Variants in WDFY4 observed in about 807,000 individuals in gnomAD.
WDFY4 encodes the protein WDFY family member 4, also known as WD repeat- and FYVE domain-containing protein 4.
In WDFY4, 169 loss-of-function variants were observed where a neutral mutation model predicts 351.9. That is an observed-to-expected ratio of 0.48 (90% CI 0.42 to 0.55). The LOEUF (loss-of-function observed/expected upper bound fraction) is 0.55. Ranked by LOEUF, WDFY4 falls within the 20% of genes least tolerant of loss-of-function variation. The probability of loss-of-function intolerance (pLI) is 0.00; values close to 1 mark genes in which losing one functional copy is unlikely to be tolerated. For missense variants in WDFY4, 3,803 were observed against 3,935.6 expected (o/e 0.97, Z 0.90); for synonymous variants, 1,622 against 1,574.6 (o/e 1.03, Z -0.71).
intron 47 of WDFY4, among the ~76,000 whole-genome samples, chr10:48,903,801 C>T (rs1837481830): frequency 6.6e-6 from 1 of 152,146 alleles, no homozygotes; most frequent in Non-Finnish European, 1.5e-5. Context: ...TCAAGTGAGA[C>T]ATAAATTTAG....
intron 54 of WDFY4, 143 bp from the exon 55 acceptor site, chr10:48,966,383 A>C: frequency 1.1e-5 from 9 of 845,122 alleles, no homozygotes; most frequent in Non-Finnish European, 1.6e-5. Context: ...GCTGGACCAG[A>C]GGTTCTGTTC....
At chr10:48,905,240 T>C (rs1197065209) in intron 47 of WDFY4, among the ~76,000 whole-genome samples, 1 of 151,982 alleles carries the variant, frequency 6.6e-6, no homozygotes, top group Non-Finnish European at 1.5e-5. Flanking sequence ...CTACTCCAAA[T>C]ATAGAGGGGC....
At chr10:48,764,948 T>C (rs573934990) in intron 13 of WDFY4, among the ~76,000 whole-genome samples, 1 of 152,230 alleles carries the variant, frequency 6.6e-6, no homozygotes, top group East Asian at 1.9e-4. Flanking sequence ...AGCTAGGCTT[T>C]AAAGGAAAGG....
At chr10:48,734,112 C>G in intron 10 of WDFY4, 77 bp downstream of exon 10, 1 of 1,310,514 alleles carries the variant, frequency 7.6e-7, no homozygotes, top group Non-Finnish European at 1.1e-6. Context: ...TGGCAGTGTT[C>G]ACAGGTTATA....
intron 13 of WDFY4, among the ~76,000 whole-genome samples, chr10:48,769,643 C>A (rs2065793940): frequency 6.6e-6 from 1 of 152,174 alleles, no homozygotes; most frequent in Non-Finnish European, 1.5e-5. Context: ...GGTTCATATG[C>A]AGAAGACGCA....
chr10:48,810,036 C>T (rs895685123), intron 28 of WDFY4, among the ~76,000 whole-genome samples: 9 of 147,430 alleles, frequency 6.1e-5, no homozygotes, highest in African/African-American at 1.9e-4. Flanking sequence ...TTGAAAGTGA[C>T]GTTAATCATG....
chr10:48,823,713 T>A, intron 35 of WDFY4: 7 of 993,630 alleles, frequency 7.0e-6, no homozygotes, highest in Non-Finnish European at 8.4e-6. Context: ...GACTCCCAGC[T>A]AATATCCCAA....
chr10:48,947,902 A>G (rs1841130721), intron 51 of WDFY4, among the ~76,000 whole-genome samples: 1 of 152,238 alleles, frequency 6.6e-6, no homozygotes, highest in South Asian at 2.1e-4. Context: ...GGGATGGGCA[A>G]CAGGCCACTG....
chr10:48,941,387 C>A lies in WDFY4; in HGVS notation c.7587-419C>A, dbSNP rs75857965. Among the ~76,000 whole-genome samples, 1,035 of 152,304 alleles carry A rather than the reference C, an allele frequency of 6.8e-3. 9 individuals are homozygous for A. The highest frequency in any genetic ancestry group is 0.01 in the Non-Finnish European group (683 of 68,020). On this transcript the variant is annotated intron_variant, in intron 47 of 61. Coordinates refer to ENST00000325239, the MANE Select transcript of WDFY4 (RefSeq NM_001394531.1). ...GACTGTGGACCCTTCTTGGGAGACC[C>A]TTAGGCCATATCTCATGGCCTTCCA...
At chr10:48,873,268 T>G (rs2069854863) in intron 40 of WDFY4, among the ~76,000 whole-genome samples, 1 of 152,206 alleles carries the variant, frequency 6.6e-6, no homozygotes, top group African/African-American at 2.4e-5. Context: ...GCAGACAACT[T>G]TCTCCTCCCC....
chr10:48,697,450 A>C (rs1354677584), intron 1 of WDFY4, among the ~76,000 whole-genome samples: 1 of 152,178 alleles, frequency 6.6e-6, no homozygotes, highest in Non-Finnish European at 1.5e-5. Context: ...AGTAAGTCAC[A>C]ATGTTGGGGA....
At chr10:48,809,624 A>G (rs2067382839) in intron 28 of WDFY4, among the ~76,000 whole-genome samples, 1 of 152,124 alleles carries the variant, frequency 6.6e-6, no homozygotes, top group African/African-American at 2.4e-5. Flanking sequence ...CACCATCATC[A>G]TCATCACCAC....
chr10:48,830,940 A>G lies in WDFY4; in HGVS notation c.6526+55A>G. 5 of 1,510,578 alleles carry G rather than the reference A, an allele frequency of 3.3e-6. No homozygotes were observed. In the South Asian group the frequency reaches 6.4e-5, roughly 19 times the overall value. The allele number at this position is 1,510,578 out of a possible 1,614,324, so 93.6% of individuals were successfully genotyped here. On this transcript the variant is annotated intron_variant, in intron 38 of 61. Coordinates refer to ENST00000325239, the MANE Select transcript of WDFY4 (RefSeq NM_001394531.1). ...GAACTCCTGGGTCTCACAGAGCCAG[A>G]CTCCCGCAAGGTTCAACTCAGTGCC...
At chr10:48,932,900 A>G (rs143039950) in intron 47 of WDFY4, among the ~76,000 whole-genome samples, 1 of 152,276 alleles carries the variant, frequency 6.6e-6, no homozygotes, top group Non-Finnish European at 1.5e-5. Context: ...TGACAGGAAG[A>G]GGGTGTAAGC....
Position 48,900,207 on chromosome 10 carries a change from G to A in WDFY4, c.7438-14G>A. On this transcript the variant is annotated splice_polypyrimidine_tract_variant and intron_variant, in intron 45 of 61. Coordinates refer to ENST00000325239, the MANE Select transcript of WDFY4 (RefSeq NM_001394531.1). The stretch of plus-strand genomic sequence containing the variant: ...CAAAATATCAGGAGCATTAAAAGGG[G>A]CTTCTCTTCACAGGACATCGCCCTG... 6.5e-7 allele frequency: 1 copy of A among 1,548,928 alleles called. No individual in the cohort carries two copies. The highest frequency in any genetic ancestry group is 8.7e-7 in the Non-Finnish European group (1 of 1,145,902).
chr10:48,833,703 C>T (rs1389775459), intron 39 of WDFY4, among the ~76,000 whole-genome samples: 2 of 152,210 alleles, frequency 1.3e-5, no homozygotes, highest in African/African-American at 2.4e-5. Context: ...GGGGCACTGA[C>T]TTCTTCAGAG....
chr10:48,694,829 C>A (rs2063290251), intron 1 of WDFY4, among the ~76,000 whole-genome samples: 1 of 152,174 alleles, frequency 6.6e-6, no homozygotes, highest in Admixed American at 6.5e-5. Flanking sequence ...GTGTCCACCA[C>A]TGGCACCATA....
At chr10:48,899,510 C>A (rs1037637927) in intron 45 of WDFY4, among the ~76,000 whole-genome samples, 6 of 151,874 alleles carry the variant, frequency 4.0e-5, no homozygotes, top group Admixed American at 3.9e-4. Context: ...ATGTACAGGT[C>A]TCTTCTCTCC....
At position 48,779,951 on chromosome 10, in the gene WDFY4, A is replaced by C; in HGVS notation, c.3408A>C (p.Glu1136Asp). The change falls in exon 19 of 62, where the codon GAA becomes GAC. Residue 1136 changes from glutamate to aspartate, a missense_variant. Coordinates refer to ENST00000325239, the MANE Select transcript of WDFY4 (RefSeq NM_001394531.1). ...CATGCTGTCTTCCAGATGTCATGGA[A>C]CCTGAGGATGACTCCGAGCCTTCTG... ...EKEFQPLDVM[E>D]PEDDSEPSAG... 1 of 1,551,560 alleles carries C rather than the reference A, an allele frequency of 6.4e-7. No individual in the cohort carries two copies. The highest frequency in any genetic ancestry group is 8.7e-7 in the Non-Finnish European group (1 of 1,146,976).
Sources: allele counts gnomAD v4.1 joint callset (sites outside exome capture counted in the v4.1 genomes callset), GRCh38; gene constraint gnomAD v4.1.1; transcripts MANE v1.5; gene names NCBI Gene and HGNC (gene_info 2026-07-23, HGNC 2026-07-21).